IGSF5: variants seen among roughly 807,000 people sequenced by gnomAD.
The protein encoded by IGSF5 is immunoglobulin superfamily member 5.
A neutral mutation model predicts 39.4 loss-of-function variants in IGSF5; 41 were observed. That is an observed-to-expected ratio of 1.04 (90% CI 0.81 to 1.35). The LOEUF (loss-of-function observed/expected upper bound fraction) is 1.35. Ranked by LOEUF, IGSF5 falls within the 40% of genes most tolerant of loss-of-function variation. IGSF5 has a pLI of 0.00. For missense variants in IGSF5, 487 were observed against 494.6 expected (o/e 0.98, Z 0.15); for synonymous variants, 183 against 175.3 (o/e 1.04, Z -0.34).
At chr21:39,766,189 T>C (rs1444313718) in intron 3 of IGSF5, among the ~76,000 whole-genome samples, 7 of 152,184 alleles carry the variant, frequency 4.6e-5, no homozygotes, top group Non-Finnish European at 1.0e-4. Context: ...TCCTCCCATC[T>C]TTCCCTTTTT....
intron 2 of IGSF5, among the ~76,000 whole-genome samples, chr21:39,755,731 G>T (rs1181315927): frequency 6.6e-6 from 1 of 152,168 alleles, no homozygotes; most frequent in Non-Finnish European, 1.5e-5. Flanking sequence ...GTAGGGATTT[G>T]CTGAGTCTAT....
upstream of IGSF5, among the ~76,000 whole-genome samples, chr21:39,741,805 C>T (rs1357388822): frequency 6.6e-6 from 1 of 152,126 alleles, no homozygotes; most frequent in Non-Finnish European, 1.5e-5. Context: ...CACTCTGCTT[C>T]CTCTGGTATT....
chr21:39,767,696 C>T (rs1361656649), intron 3 of IGSF5, among the ~76,000 whole-genome samples: 4 of 152,172 alleles, frequency 2.6e-5, no homozygotes, highest in Admixed American at 2.6e-4. Context: ...TTCTTTAGAA[C>T]CTCACAAGAA....
the IGSF5 span, among the ~76,000 whole-genome samples, chr21:39,733,678 A>T: frequency 6.6e-6 from 1 of 152,242 alleles, no homozygotes; most frequent in Non-Finnish European, 1.5e-5. Flanking sequence ...GGGGGTCAGA[A>T]GTCTTGATTT....
upstream of IGSF5, among the ~76,000 whole-genome samples, chr21:39,744,022 G>A (rs1307328583): frequency 1.3e-5 from 2 of 152,120 alleles, no homozygotes; most frequent in African/African-American, 4.8e-5. Flanking sequence ...GTCATTTTCT[G>A]ATGAGCATTA....
At chr21:39,717,563 A>T in the IGSF5 span, among the ~76,000 whole-genome samples, 1 of 152,198 alleles carries the variant, frequency 6.6e-6, no homozygotes, top group African/African-American at 2.4e-5. Flanking sequence ...GCATATGGCT[A>T]GCCAGTTGTC....
upstream of IGSF5, among the ~76,000 whole-genome samples, chr21:39,741,060 C>G (rs528991472): frequency 2.8e-4 from 43 of 152,276 alleles, no homozygotes; most frequent in Non-Finnish European, 4.7e-4. Context: ...GTCCCTCAGA[C>G]CAGCGCAAGG....
upstream of IGSF5, among the ~76,000 whole-genome samples, chr21:39,741,619 A>C (rs1489909565): frequency 1.3e-5 from 2 of 152,208 alleles, no homozygotes; most frequent in Non-Finnish European, 1.5e-5. Flanking sequence ...AACTGGCTCA[A>C]GTCTTGGGCT....
the IGSF5 span, among the ~76,000 whole-genome samples, chr21:39,730,931 A>G: frequency 6.6e-6 from 1 of 152,206 alleles, no homozygotes; most frequent in Non-Finnish European, 1.5e-5. Context: ...AAAGGCCCCA[A>G]AATGAATGCT....
chr21:39,732,903 G>A, the IGSF5 span, among the ~76,000 whole-genome samples: 1 of 152,050 alleles, frequency 6.6e-6, no homozygotes, highest in South Asian at 2.1e-4. Context: ...GCACGTGCCT[G>A]TAGTCGCAGC....
chr21:39,751,832 T>A (rs8130992), intron 2 of IGSF5, among the ~76,000 whole-genome samples: 1 of 151,956 alleles, frequency 6.6e-6, no homozygotes, highest in African/African-American at 2.4e-5. Flanking sequence ...TTAGGGAAAG[T>A]AGAATTCTCC....
chr21:39,783,380 T>C (rs1236984179), intron 5 of IGSF5, among the ~76,000 whole-genome samples: 1 of 152,196 alleles, frequency 6.6e-6, no homozygotes, highest in Non-Finnish European at 1.5e-5. Context: ...GCATTTTTAT[T>C]TTTTGTCTTT....
the IGSF5 span, among the ~76,000 whole-genome samples, chr21:39,734,424 A>G: frequency 1.3e-5 from 1 of 77,680 alleles, no homozygotes; most frequent in African/African-American, 5.4e-5. Context: ...CTCTGTCTCA[A>G]AAAAAAAAAA....
chr21:39,777,117 A>C (rs747090927), intron 4 of IGSF5, among the ~76,000 whole-genome samples: 6 of 152,234 alleles, frequency 3.9e-5, no homozygotes, highest in Non-Finnish European at 7.3e-5. Flanking sequence ...TTCCATCCAC[A>C]GGAAACCTAA....
intron 8 of IGSF5, among the ~76,000 whole-genome samples, chr21:39,797,932 T>G (rs2087006647): frequency 6.6e-6 from 1 of 152,098 alleles, no homozygotes. Flanking sequence ...TTTAGAAAAG[T>G]TAAATAATTT....
chr21:39,798,923 C>T (rs2146297603), intron 8 of IGSF5, among the ~76,000 whole-genome samples: 1 of 152,232 alleles, frequency 6.6e-6, no homozygotes, highest in Middle Eastern at 3.4e-3. Context: ...AAAGTGGGGG[C>T]ATGTCTCAGG....
At chr21:39,753,757 G>A (rs184561155) in intron 2 of IGSF5, among the ~76,000 whole-genome samples, 1 of 148,312 alleles carries the variant, frequency 6.7e-6, no homozygotes, top group African/African-American at 2.5e-5. Context: ...TTTTTTAACT[G>A]TTGTTGCTTT....
chr21:39,748,114 G>C (rs8128420), intron 2 of IGSF5, among the ~76,000 whole-genome samples: 14,796 of 151,864 alleles, frequency 0.097, 2,322 homozygotes, highest in African/African-American at 0.34. Flanking sequence ...CAGAATACTA[G>C]AAGCAGGGTG....
At chr21:39,788,819 G>C (rs1016348596) in intron 6 of IGSF5, among the ~76,000 whole-genome samples, 2 of 152,194 alleles carry the variant, frequency 1.3e-5, no homozygotes, top group Non-Finnish European at 2.9e-5. Context: ...GCACCAAGGG[G>C]AGGGTTTTTT....
Sources: allele counts gnomAD v4.1 joint callset (sites outside exome capture counted in the v4.1 genomes callset), GRCh38; gene constraint gnomAD v4.1.1; transcripts MANE v1.5; gene names NCBI Gene and HGNC (gene_info 2026-07-23, HGNC 2026-07-21).